GMDS: variants seen among roughly 807,000 people sequenced by gnomAD.
GMDS encodes the protein GDP-mannose 4,6 dehydratase.
Under a neutral mutation model 49.9 loss-of-function variants are expected in GMDS, and 20 were observed. The ratio of observed to expected loss-of-function variants is 0.40; its 90% confidence interval spans 0.28 to 0.58. The LOEUF (loss-of-function observed/expected upper bound fraction) is 0.58. Ranked by LOEUF, GMDS falls within the 20% of genes least tolerant of loss-of-function variation. The pLI is 0.42. For synonymous variants in GMDS, 177 were observed against 178.6 expected (o/e 0.99, Z 0.07); for missense variants, 362 against 481.4 (o/e 0.75, Z 2.32).
At chr6:2,190,826 C>T (rs972682641) in intron 1 of GMDS, among the ~76,000 whole-genome samples, 6 of 152,122 alleles carry the variant, frequency 3.9e-5, no homozygotes, top group African/African-American at 7.2e-5. Flanking sequence ...GCAGCAGGAG[C>T]GGCTGCAGGA....
rs189411616 is a variant in GMDS at position 1,945,500 on chromosome 6, T to C, written c.643+14367A>G. The stretch of plus-strand genomic sequence containing the variant: ...GACCATAATACGCAAGGAGATAAAG[T>C]TTCACACTTTTTTTTCTTGTGGTTG... On this transcript the variant is annotated intron_variant, in intron 6 of 10. Coordinates refer to ENST00000380815, the MANE Select transcript of GMDS (RefSeq NM_001500.4). Among the ~76,000 whole-genome samples, 453 of 152,248 alleles carry C rather than the reference T, an allele frequency of 3.0e-3. 2 individuals are homozygous for C. Among genetic ancestry groups the C allele is most frequent in the African/African-American group, 0.01 (422 of 41,538 alleles).
chr6:2,170,690 T>G (rs912609097), intron 1 of GMDS, among the ~76,000 whole-genome samples: 5 of 151,978 alleles, frequency 3.3e-5, no homozygotes, highest in Non-Finnish European at 1.5e-5. Flanking sequence ...GTTACCTTTT[T>G]TAGAAGTTAA....
intron 7 of GMDS, among the ~76,000 whole-genome samples, chr6:1,790,992 G>A (rs1441327201): frequency 1.3e-5 from 2 of 152,164 alleles, no homozygotes; most frequent in African/African-American, 4.8e-5. Flanking sequence ...AGGGCTACAA[G>A]GCAAAAGGTC....
chr6:2,053,617 A>C (rs1295434272), intron 4 of GMDS, among the ~76,000 whole-genome samples: 1 of 152,098 alleles, frequency 6.6e-6, no homozygotes. Context: ...AATAGTTCAA[A>C]TGAGAAAATT....
intron 4 of GMDS, among the ~76,000 whole-genome samples, chr6:2,002,225 C>T (rs978941781): frequency 6.6e-6 from 1 of 152,176 alleles, no homozygotes; most frequent in African/African-American, 2.4e-5. Flanking sequence ...AACATTGTTG[C>T]GTGCCTACCG....
At chr6:2,121,417 G>A (rs1183138850) in intron 2 of GMDS, among the ~76,000 whole-genome samples, 1 of 152,094 alleles carries the variant, frequency 6.6e-6, no homozygotes. Context: ...TTAATCCTGA[G>A]CAAAATTCAA....
intron 7 of GMDS, among the ~76,000 whole-genome samples, chr6:1,928,425 C>T (rs907435557): frequency 4.0e-5 from 6 of 151,460 alleles, no homozygotes; most frequent in African/African-American, 1.5e-4. Flanking sequence ...ATGCTGATGG[C>T]TAGAAGGCTA....
At chr6:1,706,411 T>C (rs900593946) in intron 9 of GMDS, among the ~76,000 whole-genome samples, 1 of 152,232 alleles carries the variant, frequency 6.6e-6, no homozygotes, top group Admixed American at 6.5e-5. Context: ...GTTCTGCCCA[T>C]GTGTTCTAAC....
chr6:2,121,139 A>G (rs1775115813), intron 2 of GMDS, among the ~76,000 whole-genome samples: 1 of 152,220 alleles, frequency 6.6e-6, no homozygotes, highest in African/African-American at 2.4e-5. Flanking sequence ...AGAGTGAGAC[A>G]CAGGTGTCCA....
rs1026736020 is a variant in GMDS, at chr6:1,624,725, G to A, written c.988-185C>T. On this transcript the variant is annotated intron_variant, in intron 9 of 10. Transcript: ENST00000380815. ...TCGGCGCCGTAAATCACTAGGTCGC[G>A]GTTAAGAATGTGCTGTGCGGACCCG... The A allele has an allele frequency of 5.0e-6, 3 of 604,912 alleles. No homozygotes were observed. In the Admixed American group the frequency reaches 8.9e-5, roughly 18 times the overall value. The allele number at this position is 604,912 out of a possible 1,614,324, so 37.5% of individuals were successfully genotyped here. A position where few individuals can be genotyped will look rare whatever the true frequency, so the allele number is the denominator to read the frequency against.
intron 1 of GMDS, among the ~76,000 whole-genome samples, chr6:2,170,130 G>A (rs1177580356): frequency 6.6e-6 from 1 of 151,998 alleles, no homozygotes; most frequent in African/African-American, 2.4e-5. Context: ...TTGAACCCGG[G>A]AGGTGGAGGT....
At chr6:2,172,944 A>G (rs565599823) in intron 1 of GMDS, among the ~76,000 whole-genome samples, 1 of 152,354 alleles carries the variant, frequency 6.6e-6, no homozygotes, top group African/African-American at 2.4e-5. Context: ...AAAAACTAAT[A>G]TTAACATATT....
intron 4 of GMDS, among the ~76,000 whole-genome samples, chr6:1,994,893 T>C (rs1350046853): frequency 6.6e-6 from 1 of 151,888 alleles, no homozygotes; most frequent in East Asian, 1.9e-4. Context: ...CAATATAAAA[T>C]TAAGAAAAAT....
At chr6:1,829,666 C>G (rs1771267651) in intron 7 of GMDS, among the ~76,000 whole-genome samples, 1 of 152,208 alleles carries the variant, frequency 6.6e-6, no homozygotes, top group Non-Finnish European at 1.5e-5. Context: ...TTGTGAACTC[C>G]TGGGCTCAAG....
chr6:1,969,605 G>A (rs1333235962), intron 4 of GMDS, among the ~76,000 whole-genome samples: 3 of 152,066 alleles, frequency 2.0e-5, no homozygotes, highest in African/African-American at 7.2e-5. Flanking sequence ...TCAGTGGGGC[G>A]GCCTCTAAGT....
chr6:1,978,706 G>T (rs1765057006), intron 4 of GMDS, among the ~76,000 whole-genome samples: 1 of 152,214 alleles, frequency 6.6e-6, no homozygotes, highest in Non-Finnish European at 1.5e-5. Flanking sequence ...CCAATCAGGG[G>T]CTGAAGGGAT....
intron 1 of GMDS, among the ~76,000 whole-genome samples, chr6:2,195,307 A>C (rs1779230249): frequency 6.6e-6 from 1 of 152,068 alleles, no homozygotes; most frequent in Non-Finnish European, 1.5e-5. Flanking sequence ...TTTTTGAAGA[A>C]GTGTTTTATT....
At chr6:1,764,786 A>G (rs1274985176) in intron 7 of GMDS, among the ~76,000 whole-genome samples, 1 of 152,230 alleles carries the variant, frequency 6.6e-6, no homozygotes, top group East Asian at 1.9e-4. Flanking sequence ...TTTCCGTTCT[A>G]AAGAATTTCT....
chr6:1,991,467 C>T (rs796066473), intron 4 of GMDS, among the ~76,000 whole-genome samples: 20 of 152,256 alleles, frequency 1.3e-4, no homozygotes, highest in African/African-American at 4.8e-4. Context: ...CACCAGTAAC[C>T]GCTGGTCTCC....
Sources: allele counts gnomAD v4.1 joint callset (sites outside exome capture counted in the v4.1 genomes callset), GRCh38; gene constraint gnomAD v4.1.1; transcripts MANE v1.5; gene names NCBI Gene and HGNC (gene_info 2026-07-23, HGNC 2026-07-21).